GRID2: variants seen among roughly 807,000 people sequenced by gnomAD.
The protein encoded by GRID2 is glutamate receptor ionotropic, delta-2.
Under a neutral mutation model 114.8 loss-of-function variants are expected in GRID2, and 33 were observed. The observed-to-expected ratio is 0.29, with a 90% CI of 0.22 to 0.38. The LOEUF is 0.38. Among genes scored for constraint, GRID2 ranks in the 10% least tolerant of loss-of-function variants. The probability of loss-of-function intolerance (pLI) is 1.00; values close to 1 mark genes in which losing one functional copy is unlikely to be tolerated. For synonymous variants in GRID2, 505 were observed against 449.9 expected (o/e 1.12, Z -1.55); for missense variants, 1,184 against 1,257.7 (o/e 0.94, Z 0.89).
chr4:93,316,304 G>GA (rs869028615), intron 8 of GRID2, among the ~76,000 whole-genome samples: 1 of 105,772 alleles, frequency 9.5e-6, no homozygotes, highest in Non-Finnish European at 1.9e-5. Flanking sequence ...AAGAAAGAAA[G>GA]AAAGAAAGAA....
chr4:92,881,414 A>T (rs1746001629), intron 2 of GRID2, among the ~76,000 whole-genome samples: 2 of 152,182 alleles, frequency 1.3e-5, no homozygotes, highest in South Asian at 4.1e-4. Context: ...TGGCCAATCA[A>T]ATCCTTCACT....
chr4:93,680,252 C>G (rs889797785), intron 14 of GRID2, among the ~76,000 whole-genome samples: 1 of 152,110 alleles, frequency 6.6e-6, no homozygotes, highest in African/African-American at 2.4e-5. Context: ...TCTGAATAGA[C>G]CAGTAACAGA....
chr4:92,842,550 G>A (rs1205481360), intron 2 of GRID2, among the ~76,000 whole-genome samples: 3 of 151,982 alleles, frequency 2.0e-5, no homozygotes, highest in Admixed American at 6.6e-5. Flanking sequence ...AATATAATTC[G>A]TTCACAACAA....
rs559181569 is a variant in GRID2, at chr4:92,812,717, C to T, written c.244+222431C>T. ...TGATTTATGCTGTACAGGTATACAA[C>T]TCTTTATAAATAATCTTGCAACTTG... On this transcript the variant is annotated intron_variant, in intron 2 of 15. Coordinates refer to ENST00000282020, the MANE Select transcript of GRID2 (RefSeq NM_001510.4). 3.3e-5 allele frequency among the ~76,000 whole-genome samples: 5 copies of T among 152,182 alleles called. No individual in the cohort carries two copies. In the East Asian group the frequency reaches 9.7e-4, roughly 30 times the overall value.
At chr4:92,580,125 G>A (rs773187219) in intron 1 of GRID2, among the ~76,000 whole-genome samples, 14 of 150,318 alleles carry the variant, frequency 9.3e-5, no homozygotes, top group South Asian at 8.3e-4. Context: ...AAAATTTGCC[G>A]TCCTTCTGAG....
intron 2 of GRID2, among the ~76,000 whole-genome samples, chr4:92,787,337 A>C (rs1739365131): frequency 6.6e-6 from 1 of 151,944 alleles, no homozygotes; most frequent in Non-Finnish European, 1.5e-5. Context: ...AATAGTGAGC[A>C]GGTGTAAGGA....
chr4:92,437,212 A>G (rs78514486), intron 1 of GRID2, among the ~76,000 whole-genome samples: 1,682 of 152,330 alleles, frequency 0.011, 16 homozygotes, highest in Non-Finnish European at 0.017. Context: ...AACTTGGGCT[A>G]TGACTAGCAT....
At chr4:93,461,462 T>G (rs1332957568) in intron 11 of GRID2, among the ~76,000 whole-genome samples, 1 of 152,122 alleles carries the variant, frequency 6.6e-6, no homozygotes, top group African/African-American at 2.4e-5. Flanking sequence ...ATTTCAGAAT[T>G]GCAGTCTTCA....
chr4:93,200,852 G>T (rs1271244479), intron 4 of GRID2, among the ~76,000 whole-genome samples: 1 of 152,160 alleles, frequency 6.6e-6, no homozygotes, highest in Non-Finnish European at 1.5e-5. Context: ...AATGGTTTCT[G>T]TGGTCAAATC....
chr4:92,964,709 C>G (rs1414374478), intron 2 of GRID2, among the ~76,000 whole-genome samples: 1 of 151,900 alleles, frequency 6.6e-6, no homozygotes, highest in Non-Finnish European at 1.5e-5. Flanking sequence ...ATGAACAAAC[C>G]TCTGCTGGCT....
intron 1 of GRID2, among the ~76,000 whole-genome samples, chr4:92,344,806 C>T (rs557547366): frequency 1.3e-5 from 2 of 152,274 alleles, no homozygotes; most frequent in African/African-American, 4.8e-5. Flanking sequence ...CATAGCCTTC[C>T]TTCTGCCATC....
chr4:92,395,956 G>A (rs555042944), intron 1 of GRID2, among the ~76,000 whole-genome samples: 6 of 151,690 alleles, frequency 4.0e-5, no homozygotes, highest in Non-Finnish European at 7.4e-5. Context: ...TTTGAAATAC[G>A]TAATAACCTA....
At chr4:92,426,141 A>T (rs1391893779) in intron 1 of GRID2, among the ~76,000 whole-genome samples, 1 of 152,110 alleles carries the variant, frequency 6.6e-6, no homozygotes, top group African/African-American at 2.4e-5. Flanking sequence ...CATCTCTGGC[A>T]TGTAGTTTTC....
intron 1 of GRID2, among the ~76,000 whole-genome samples, chr4:92,466,795 A>G (rs953624461): frequency 1.3e-5 from 2 of 151,734 alleles, no homozygotes; most frequent in African/African-American, 4.8e-5. Flanking sequence ...AAATGAATAT[A>G]TATCTACCTA....
intron 2 of GRID2, among the ~76,000 whole-genome samples, chr4:92,713,136 T>C (rs894238400): frequency 1.3e-5 from 2 of 151,174 alleles, no homozygotes; most frequent in Admixed American, 1.3e-4. Context: ...CCAAATGCTA[T>C]CCCTCCCCGC....
intron 2 of GRID2, among the ~76,000 whole-genome samples, chr4:92,725,794 T>C (rs1736039717): frequency 6.6e-6 from 1 of 152,182 alleles, no homozygotes; most frequent in South Asian, 2.1e-4. Flanking sequence ...AAAGTTTTAT[T>C]ATAGCCTCAC....
chr4:92,728,027 A>G (rs1375132500), intron 2 of GRID2, among the ~76,000 whole-genome samples: 1 of 152,048 alleles, frequency 6.6e-6, no homozygotes, highest in Non-Finnish European at 1.5e-5. Flanking sequence ...TCTTGGTTTA[A>G]TTTGTGATTA....
At chr4:93,354,671 CGTGTGTGTGTGTGTGTGTGTGTGTGT>C (rs35452796) in intron 8 of GRID2, among the ~76,000 whole-genome samples, 5 of 130,284 alleles carry the variant, frequency 3.8e-5, no homozygotes, top group African/African-American at 8.6e-5. Context: ...GTGGCTCATC[CGTGTGTGTGTGTGTGTGTGTGTGTGT>C]GTGTGTGTGT....
intron 2 of GRID2, among the ~76,000 whole-genome samples, chr4:92,833,084 T>C (rs574844677): frequency 1.3e-5 from 2 of 152,114 alleles, no homozygotes; most frequent in Non-Finnish European, 2.9e-5. Context: ...GCCAGAAGCA[T>C]AGAGGTAATT....
Sources: allele counts gnomAD v4.1 joint callset (sites outside exome capture counted in the v4.1 genomes callset), GRCh38; gene constraint gnomAD v4.1.1; transcripts MANE v1.5; gene names NCBI Gene and HGNC (gene_info 2026-07-23, HGNC 2026-07-21).